The following SCARA5 variants were observed in gnomAD, a reference collection of about 807,000 sequenced individuals.
SCARA5 encodes the protein scavenger receptor class A, member 5 (putative).
Under a neutral mutation model 46.3 loss-of-function variants are expected in SCARA5, and 45 were observed. The observed-to-expected ratio is 0.97, with a 90% CI of 0.76 to 1.24. SCARA5 has a LOEUF of 1.24. Ranked by LOEUF, SCARA5 falls within the 50% of genes most tolerant of loss-of-function variation. The pLI, the probability that SCARA5 is intolerant of heterozygous loss-of-function variation, is 0.00. For synonymous variants in SCARA5, 333 were observed against 306.5 expected, an observed-to-expected ratio of 1.09 and a Z score of -0.90; for missense variants, 680 against 689.0, an observed-to-expected ratio of 0.99 and a Z score of 0.15.
At chr8:27,940,153 C>G (rs1437994219) in intron 3 of SCARA5, among the ~76,000 whole-genome samples, 3 of 152,234 alleles carry the variant, frequency 2.0e-5, no homozygotes, top group Admixed American at 1.3e-4. Context: ...AGCATAAGCT[C>G]TCCCCACTGG....
At chr8:27,900,885 C>T (rs1807142371) in intron 7 of SCARA5, among the ~76,000 whole-genome samples, 1 of 148,856 alleles carries the variant, frequency 6.7e-6, no homozygotes, top group African/African-American at 2.5e-5. Flanking sequence ...CTTTATCTCT[C>T]AGCAAGCAGA....
chr8:27,939,554 C>A (rs1807909427), intron 3 of SCARA5, among the ~76,000 whole-genome samples: 2 of 152,198 alleles, frequency 1.3e-5, no homozygotes, highest in Admixed American at 6.5e-5. Context: ...GAGACCCTGG[C>A]AACCACTGTG....
At chr8:27,910,036 G>A in intron 4 of SCARA5, 1 of 302,372 alleles carries the variant, frequency 3.3e-6, no homozygotes, top group Non-Finnish European at 6.0e-6. Flanking sequence ...AACCATATGT[G>A]GAATCCCTAA....
At chr8:27,905,523 T>TGGCGGGGGCGG (rs751627046) in intron 6 of SCARA5, among the ~76,000 whole-genome samples, 2 of 53,638 alleles carry the variant, frequency 3.7e-5, no homozygotes, top group Non-Finnish European at 5.1e-5. Context: ...ATCCAAGATT[T>TGGCGGGGGCGG]GGGGGGGGGA....
At chr8:27,929,012 T>C (rs930381157) in intron 3 of SCARA5, among the ~76,000 whole-genome samples, 1 of 151,964 alleles carries the variant, frequency 6.6e-6, no homozygotes, top group Non-Finnish European at 1.5e-5. Flanking sequence ...AGGGAGTGAG[T>C]TCCTCATGAT....
intron 3 of SCARA5, among the ~76,000 whole-genome samples, chr8:27,958,657 A>G (rs1490307027): frequency 6.6e-6 from 1 of 152,266 alleles, no homozygotes; most frequent in Non-Finnish European, 1.5e-5. Context: ...CAGATGTCCA[A>G]GTCCAGAGCC....
intron 7 of SCARA5, among the ~76,000 whole-genome samples, chr8:27,898,804 A>G (rs1219439750): frequency 6.6e-6 from 1 of 152,218 alleles, no homozygotes; most frequent in African/African-American, 2.4e-5. Flanking sequence ...ATTGAATTCA[A>G]GTAACAATGG....
chr8:27,919,457 A>T (rs1585489308), intron 4 of SCARA5, among the ~76,000 whole-genome samples: 1 of 152,082 alleles, frequency 6.6e-6, no homozygotes, highest in African/African-American at 2.4e-5. Context: ...TCTCGAGAAC[A>T]TCACATGTTT....
At chr8:27,872,094 T>C (rs1806648854) in intron 8 of SCARA5, 24 bp from the exon 9 acceptor site, 4 of 1,613,614 alleles carry the variant, frequency 2.5e-6, no homozygotes, top group Non-Finnish European at 3.4e-6. Flanking sequence ...GAAACACAGC[T>C]ATAAGCGGAT....
chr8:27,883,417 G>C (rs1416092113), intron 7 of SCARA5, among the ~76,000 whole-genome samples: 1 of 152,158 alleles, frequency 6.6e-6, no homozygotes, highest in Non-Finnish European at 1.5e-5. Context: ...ACTACTCTTG[G>C]GGGCTATTTC....
chr8:27,882,859 T>TGAA (rs1207126758), intron 7 of SCARA5, among the ~76,000 whole-genome samples: 1 of 152,220 alleles, frequency 6.6e-6, no homozygotes, highest in Non-Finnish European at 1.5e-5. Context: ...GTAATAGATG[T>TGAA]GAAGAACTCA....
At chr8:27,983,572 A>C (rs979009975) in intron 2 of SCARA5, among the ~76,000 whole-genome samples, 1 of 152,220 alleles carries the variant, frequency 6.6e-6, no homozygotes, top group Admixed American at 6.5e-5. Flanking sequence ...TGATGACTTG[A>C]GTGGACTTAC....
Position 27,913,818 on chromosome 8 carries a change from C to A in SCARA5, c.917-4075G>T, listed in dbSNP as rs80100102. ...CCCTGCAGATCACTCACGATCTGAC[C>A]CCTTCTGCTGCAAACTTACAGCTCG... On this transcript the variant is annotated intron_variant, in intron 4 of 8. Transcript: ENST00000354914. Among the ~76,000 whole-genome samples the A allele has an allele frequency of 4.8e-3, 733 of 152,276 alleles. 7 individuals carry two copies. The highest frequency in any genetic ancestry group is 0.017 in the African/African-American group (688 of 41,564).
intron 3 of SCARA5, among the ~76,000 whole-genome samples, chr8:27,943,625 A>G (rs1375251974): frequency 6.6e-6 from 1 of 152,232 alleles, no homozygotes; most frequent in East Asian, 1.9e-4. Context: ...AGCTACCAAC[A>G]TGACATCATT....
intron 2 of SCARA5, among the ~76,000 whole-genome samples, chr8:27,978,155 T>TA (rs1467665647): frequency 2.0e-5 from 3 of 150,562 alleles, no homozygotes; most frequent in Non-Finnish European, 3.0e-5. Context: ...GCCTCCCGAG[T>TA]AGCTGGGATT....
intron 3 of SCARA5, among the ~76,000 whole-genome samples, chr8:27,944,886 T>G (rs1808009422): frequency 6.6e-6 from 1 of 151,142 alleles, no homozygotes. Flanking sequence ...ATAATTGAGG[T>G]CAGGCGCTGT....
At chr8:27,961,265 C>A (rs1331866685) in intron 3 of SCARA5, among the ~76,000 whole-genome samples, 1 of 152,192 alleles carries the variant, frequency 6.6e-6, no homozygotes, top group Non-Finnish European at 1.5e-5. Context: ...AATGTCTTGG[C>A]ATCCCCCTCA....
chr8:27,949,941 G>A (rs1341804345), intron 3 of SCARA5, among the ~76,000 whole-genome samples: 1 of 152,236 alleles, frequency 6.6e-6, no homozygotes. Context: ...TGGCCTTGCT[G>A]ATGGTGCTGC....
chr8:27,906,345 T>C (rs1807261284), intron 6 of SCARA5, among the ~76,000 whole-genome samples: 1 of 152,244 alleles, frequency 6.6e-6, no homozygotes, highest in Admixed American at 6.5e-5. Context: ...TAAAAGTAGG[T>C]TCCCCTAACG....
Sources: gnomAD v4.1 joint callset for allele counts (sites outside exome capture counted in the v4.1 genomes callset) on GRCh38, gnomAD v4.1.1 for gene constraint, MANE v1.5 for transcripts, NCBI Gene and HGNC (gene_info 2026-07-23, HGNC 2026-07-21) for gene names.